MYPN: variants seen among roughly 807,000 people sequenced by gnomAD.
MYPN encodes the protein sarcomeric protein myopalladin, 145 kDa (MYOP).
In MYPN, 63 loss-of-function variants were observed where a neutral mutation model predicts 129.4. That is an observed-to-expected ratio of 0.49 (90% CI 0.40 to 0.60). MYPN has a LOEUF of 0.60. MYPN is among the 20% of genes least tolerant of loss of function. MYPN has a pLI of 0.00. For synonymous variants in MYPN, 629 were observed against 600.9 expected (o/e 1.05, Z -0.68); for missense variants, 1,596 against 1,635.4 (o/e 0.98, Z 0.42).
At chr10:68,173,314 C>T (rs1329000469) in intron 10 of MYPN, among the ~76,000 whole-genome samples, 1 of 152,204 alleles carries the variant, frequency 6.6e-6, no homozygotes, top group Non-Finnish European at 1.5e-5. Context: ...CTCACACTGG[C>T]ATGTAGCTCA....
At chr10:68,183,280 G>A (rs1368615438) in intron 12 of MYPN, among the ~76,000 whole-genome samples, 1 of 152,010 alleles carries the variant, frequency 6.6e-6, no homozygotes, top group Non-Finnish European at 1.5e-5. Flanking sequence ...GGACAACATG[G>A]CGAAACCCCA....
intron 3 of MYPN, among the ~76,000 whole-genome samples, chr10:68,145,093 C>T (rs112871361): frequency 0.038 from 5,765 of 151,114 alleles, 376 homozygotes; most frequent in African/African-American, 0.13. Context: ...GGCGTGATCT[C>T]GGCTCACAGC....
At chr10:68,194,754 A>G (rs1239300611) in intron 14 of MYPN, among the ~76,000 whole-genome samples, 1 of 152,188 alleles carries the variant, frequency 6.6e-6, no homozygotes, top group Admixed American at 6.5e-5. Flanking sequence ...CACTATGTAT[A>G]CCTTGCAGAC....
At chr10:68,136,783 T>C in intron 2 of MYPN, 1 of 1,492,366 alleles carries the variant, frequency 6.7e-7, no homozygotes, top group Non-Finnish European at 9.0e-7. Context: ...ATAATGTTTG[T>C]ATAATGGAAA....
chr10:68,099,302 A>G (rs911533661), intron 1 of MYPN, among the ~76,000 whole-genome samples: 1 of 152,168 alleles, frequency 6.6e-6, no homozygotes, highest in African/African-American at 2.4e-5. Flanking sequence ...ACTTTCCTAT[A>G]TACAAAATAA....
chr10:68,098,324 G>A (rs754272409), intron 1 of MYPN, among the ~76,000 whole-genome samples: 4 of 151,954 alleles, frequency 2.6e-5, no homozygotes, highest in Non-Finnish European at 4.4e-5. Context: ...TTACCTGATC[G>A]TGGCACTTGG....
At chr10:68,185,164 A>C (rs1589599572) in intron 12 of MYPN, among the ~76,000 whole-genome samples, 1 of 142,078 alleles carries the variant, frequency 7.0e-6, no homozygotes, top group African/African-American at 2.6e-5. Context: ...GAGGGAGGGA[A>C]GGAGGGAAGG....
At chr10:68,152,287 GGAGGGTATAAT>G in intron 6 of MYPN, among the ~76,000 whole-genome samples, 1 of 152,222 alleles carries the variant, frequency 6.6e-6, no homozygotes, top group African/African-American at 2.4e-5. Flanking sequence ...AGTAATTCCA[GGAGGGTATAAT>G]GAGGCATGTC....
At chr10:68,090,444 C>T (rs575715734) in intron 1 of MYPN, among the ~76,000 whole-genome samples, 9 of 152,246 alleles carry the variant, frequency 5.9e-5, no homozygotes, top group Admixed American at 2.6e-4. Flanking sequence ...GGATTACAGG[C>T]GTGAGCCACC....
chr10:68,098,638 G>A (rs2041968185), intron 1 of MYPN, among the ~76,000 whole-genome samples: 4 of 151,874 alleles, frequency 2.6e-5, no homozygotes, highest in African/African-American at 7.3e-5. Flanking sequence ...GAGGTCAGGT[G>A]TTTGAGGCCA....
At chr10:68,102,204 T>C (rs2041985271), upstream of MYPN, among the ~76,000 whole-genome samples, 1 of 148,914 alleles carries the variant, frequency 6.7e-6, no homozygotes, top group Non-Finnish European at 1.5e-5. Context: ...TCAAAGCTCA[T>C]TGCAGCCTCC....
intron 12 of MYPN, among the ~76,000 whole-genome samples, chr10:68,180,969 T>C (rs144364027): frequency 2.2e-4 from 33 of 152,356 alleles, no homozygotes; most frequent in African/African-American, 7.7e-4. Context: ...GAAGTAAATA[T>C]TTTTAGCTTT....
Position 68,194,505 on chromosome 10 carries a change from A to C in MYPN, c.3068A>C (p.Asn1023Thr). The C allele has an allele frequency of 1.2e-6, 2 of 1,613,540 alleles. No homozygotes were observed. Among genetic ancestry groups the C allele is most frequent in the Non-Finnish European group, 8.5e-7 (1 of 1,179,724 alleles). Residue 1023 changes from asparagine (N) to threonine (T), a missense_variant, in exon 14 of 20, where the codon AAC (asparagine) becomes ACC (threonine). By Grantham distance (65) the Asn-to-Thr change is moderately conservative. Coordinates refer to ENST00000358913, the MANE Select transcript of MYPN (RefSeq NM_032578.4). ...DDGNYTIMAA[N>T]PQGRISCSGH... ...GGCAACTACACCATCATGGCAGCCA[A>C]CCCCCAGGTGGAGACGCAGGGTTCT...
At chr10:68,184,284 T>C (rs1395318130) in intron 12 of MYPN, among the ~76,000 whole-genome samples, 2 of 152,262 alleles carry the variant, frequency 1.3e-5, no homozygotes, top group Non-Finnish European at 2.9e-5. Flanking sequence ...TCCACCTTGA[T>C]ATGCCCTTTT....
intron 11 of MYPN, 22 bp downstream of exon 11, chr10:68,174,678 T>C (rs1564681355): frequency 1.9e-6 from 3 of 1,605,978 alleles, no homozygotes; most frequent in African/African-American, 2.7e-5. Context: ...TGAGGTTTCT[T>C]GATGTAAGAT....
At chr10:68,204,788 C>A (rs1381854134) in intron 18 of MYPN, among the ~76,000 whole-genome samples, 1 of 149,784 alleles carries the variant, frequency 6.7e-6, no homozygotes. Context: ...TAAAATATAT[C>A]ATTAGTTTCC....
chr10:68,174,104 T>C lies in MYPN; in HGVS notation c.2012T>C (p.Leu671Ser), dbSNP rs1044229942. Residue 671 changes from leucine to serine, a missense_variant, in exon 11 of 20, where the codon TTA becomes TCA. Physicochemically the swap from Leu to Ser is moderately radical, Grantham distance 145. Coordinates refer to ENST00000358913, the MANE Select transcript of MYPN (RefSeq NM_032578.4). ...TTACAACAGCTTCATAACCAAGTCTTACTGGAACAACACCAATTGCAAAAC... is the reference window on the plus strand; with the variant it reads ...TTACAACAGCTTCATAACCAAGTCTCACTGGAACAACACCAATTGCAAAAC... ...TQLQQLHNQV[L>S]LEQHQLQNPP... 6.2e-7 allele frequency: 1 copy of C among 1,614,040 alleles called. No individual in the cohort carries two copies. Among genetic ancestry groups the C allele is most frequent in the Non-Finnish European group, 8.5e-7 (1 of 1,180,026 alleles).
chr10:68,161,703 G>C, intron 7 of MYPN, 26 bp from the exon 8 acceptor site: 1 of 1,601,940 alleles, frequency 6.2e-7, no homozygotes, highest in Non-Finnish European at 8.5e-7. Context: ...TAAATGCTCA[G>C]AATCTTTTAC....
At chr10:68,202,378 A>G (rs1186968657) in intron 18 of MYPN, among the ~76,000 whole-genome samples, 1 of 152,078 alleles carries the variant, frequency 6.6e-6, no homozygotes, top group Admixed American at 6.6e-5. Flanking sequence ...ACTTGCAGTG[A>G]GCTGAGATTG....
Sources: allele counts gnomAD v4.1 joint callset (sites outside exome capture counted in the v4.1 genomes callset), GRCh38; gene constraint gnomAD v4.1.1; transcripts MANE v1.5; gene names NCBI Gene and HGNC (gene_info 2026-07-23, HGNC 2026-07-21).